Variants in MTMR6 observed in about 807,000 individuals in gnomAD.
The protein encoded by MTMR6 is myotubularin related protein 6.
In MTMR6, 47 loss-of-function variants were observed where a neutral mutation model predicts 80.1. That is an observed-to-expected ratio of 0.59 (90% CI 0.46 to 0.75). The LOEUF (loss-of-function observed/expected upper bound fraction) is 0.75. Among genes scored for constraint, MTMR6 ranks in the 30% least tolerant of loss-of-function variants. MTMR6 has a pLI of 0.00. For missense variants in MTMR6, 629 were observed against 730.9 expected (o/e 0.86, Z 1.61); for synonymous variants, 254 against 253.0 (o/e 1.00, Z -0.04).
chr13:25,266,116 G>A lies in MTMR6; in HGVS notation c.462+13C>T, dbSNP rs1274273187. ...AACACTTTCTGAATTTCTCCAAAAT[G>A]TTGTTAAGGTACCTTGTAGTCCCGG... On this transcript the variant is annotated intron_variant, in intron 4 of 13. Transcript: ENST00000381801. The A allele has an allele frequency of 8.1e-6, 13 of 1,611,968 alleles. No individual in the cohort carries two copies. In the Admixed American group the frequency reaches 2.0e-4, roughly 25 times the overall value.
At chr13:25,256,944 A>G (rs945444110) in intron 9 of MTMR6, among the ~76,000 whole-genome samples, 1 of 152,218 alleles carries the variant, frequency 6.6e-6, no homozygotes, top group Non-Finnish European at 1.5e-5. Flanking sequence ...AATAAGTCTA[A>G]TTCAAGGTTT....
chr13:25,281,854 TA>T (rs1478422477), intron 1 of MTMR6, among the ~76,000 whole-genome samples: 1 of 152,196 alleles, frequency 6.6e-6, no homozygotes, highest in African/African-American at 2.4e-5. Context: ...TCTGGCTGCA[TA>T]AATTATCAAA....
intron 5 of MTMR6, among the ~76,000 whole-genome samples, chr13:25,265,428 G>A (rs1957434775): frequency 6.6e-6 from 1 of 152,152 alleles, no homozygotes. Flanking sequence ...TTCTCCATTA[G>A]CAATCTTTTA....
At chr13:25,253,318 T>G (rs1048753282) in intron 11 of MTMR6, among the ~76,000 whole-genome samples, 2 of 152,170 alleles carry the variant, frequency 1.3e-5, no homozygotes, top group Non-Finnish European at 2.9e-5. Flanking sequence ...AAACCAACAG[T>G]TTAAAATATT....
chr13:25,269,658 A>G (rs937453108), intron 2 of MTMR6, among the ~76,000 whole-genome samples: 3 of 151,946 alleles, frequency 2.0e-5, no homozygotes, highest in Admixed American at 6.6e-5. Flanking sequence ...ATACACATAT[A>G]TTATGTAATT....
At chr13:25,270,504 G>A (rs892915580) in intron 2 of MTMR6, among the ~76,000 whole-genome samples, 3 of 152,056 alleles carry the variant, frequency 2.0e-5, no homozygotes, top group African/African-American at 7.2e-5. Flanking sequence ...ATAGCTATAC[G>A]GGAAGCCTTC....
At position 25,248,984 on chromosome 13, in the gene MTMR6, TTG is replaced by T; in HGVS notation, c.*246_*247del. On this transcript the variant is annotated 3_prime_UTR_variant, in exon 14 of 14. Transcript: ENST00000381801. ...TCAATTCACTAGTGTACAGTGCAAA[TTG>T]TGTTTTGAGTAAATACATCAAATAC... The T allele has an allele frequency of 2.1e-6, 1 of 475,716 alleles. No homozygotes were observed. The highest frequency in any genetic ancestry group is 3.3e-5 in the East Asian group (1 of 30,124). The allele number at this position is 475,716 out of a possible 1,614,324, so 29.5% of individuals were successfully genotyped here. A position where few individuals can be genotyped will look rare whatever the true frequency, so the allele number is the denominator to read the frequency against.
chr13:25,257,866 T>C, intron 7 of MTMR6, 21 bp from the exon 8 acceptor site: 1 of 1,545,932 alleles, frequency 6.5e-7, no homozygotes, highest in Non-Finnish European at 8.9e-7. Context: ...TATAAAAATA[T>C]TTCAATTAGA....
Position 25,287,408 on chromosome 13 carries a change from G to T in MTMR6, c.-161C>A, listed in dbSNP as rs983553764. On this transcript the variant is annotated 5_prime_UTR_variant, in exon 1 of 14. Transcript: ENST00000381801. ...TGGCGTCAACGGCGCAGGTGCAGCC[G>T]GTGAGCGCCGTCTCCTAGAAACACT... 1 of 887,512 alleles carries T rather than the reference G, an allele frequency of 1.1e-6. No homozygotes were observed. Among genetic ancestry groups the T allele is most frequent in the African/African-American group, 1.7e-5 (1 of 60,168 alleles). 55.0% of individuals were successfully genotyped at this position (887,512 alleles called of 1,614,324 possible).
At chr13:25,282,858 G>T (rs1362772054) in intron 1 of MTMR6, among the ~76,000 whole-genome samples, 1 of 151,556 alleles carries the variant, frequency 6.6e-6, no homozygotes, top group African/African-American at 2.4e-5. Flanking sequence ...CTACTGCCTC[G>T]ACCTCCCAAA....
chr13:25,268,625 C>T (rs927468754), intron 2 of MTMR6, among the ~76,000 whole-genome samples: 5 of 152,172 alleles, frequency 3.3e-5, no homozygotes, highest in African/African-American at 9.7e-5. Context: ...AAGTTAGGCC[C>T]CCTCCCTTTT....
At chr13:25,252,102 C>G in intron 11 of MTMR6, 118 bp from the exon 12 acceptor site, 1 of 1,072,788 alleles carries the variant, frequency 9.3e-7, no homozygotes, top group Non-Finnish European at 1.3e-6. Context: ...TTAGTTTTTT[C>G]TTGTATTCAC....
At chr13:25,261,537 G>GT (rs1437054783) in intron 6 of MTMR6, 131 bp downstream of exon 6, 8 of 758,294 alleles carry the variant, frequency 1.1e-5, no homozygotes, top group Admixed American at 3.5e-5. Flanking sequence ...GATTTCCTTA[G>GT]TATCATTAGC....
intron 5 of MTMR6, among the ~76,000 whole-genome samples, chr13:25,262,080 T>C (rs988971384): frequency 1.3e-5 from 2 of 152,220 alleles, no homozygotes; most frequent in Non-Finnish European, 2.9e-5. Flanking sequence ...CTCTGTGAAG[T>C]AACCTACTGT....
At chr13:25,273,270 A>G (rs551201493) in intron 2 of MTMR6, among the ~76,000 whole-genome samples, 2 of 152,246 alleles carry the variant, frequency 1.3e-5, no homozygotes, top group East Asian at 1.9e-4. Flanking sequence ...TCAAGACCCA[A>G]TAATTTTACT....
chr13:25,266,531 C>T lies in MTMR6; in HGVS notation c.305-245G>A, dbSNP rs527463730. On this transcript the variant is annotated intron_variant, in intron 3 of 13. Coordinates refer to ENST00000381801, the MANE Select transcript of MTMR6 (RefSeq NM_004685.5). Reference sequence around the variant, plus strand: ...AATAAATACAGTCAGAATAGTTAGACTTACATGTTAAATCCTCTATTGCAG... The same window carrying T: ...AATAAATACAGTCAGAATAGTTAGATTTACATGTTAAATCCTCTATTGCAG... Among the ~76,000 whole-genome samples, 8 of 152,234 alleles carry T rather than the reference C, an allele frequency of 5.3e-5. No homozygotes were observed. In the East Asian group the frequency reaches 1.4e-3, roughly 26 times the overall value.
At chr13:25,271,298 C>A (rs1593153053) in intron 2 of MTMR6, among the ~76,000 whole-genome samples, 2 of 152,234 alleles carry the variant, frequency 1.3e-5, no homozygotes, top group African/African-American at 4.8e-5. Flanking sequence ...CTGAGGAAAG[C>A]CTACCCACCT....
At chr13:25,258,475 G>T in intron 7 of MTMR6, 85 bp downstream of exon 7, 1 of 1,151,708 alleles carries the variant, frequency 8.7e-7, no homozygotes, top group South Asian at 1.8e-5. Context: ...TTTAAAATGT[G>T]ACCACTGGAA....
chr13:25,271,567 C>T (rs1957577125), intron 2 of MTMR6, among the ~76,000 whole-genome samples: 1 of 152,254 alleles, frequency 6.6e-6, no homozygotes. Flanking sequence ...GCTAGTGGCA[C>T]AGAAACATGC....
Sources: gnomAD v4.1 joint callset for allele counts (sites outside exome capture counted in the v4.1 genomes callset) on GRCh38, gnomAD v4.1.1 for gene constraint, MANE v1.5 for transcripts, NCBI Gene and HGNC (gene_info 2026-07-23, HGNC 2026-07-21) for gene names.